LINGO1: variants seen among roughly 807,000 people sequenced by gnomAD.
LINGO1 encodes leucine-rich repeat and immunoglobulin-like domain-containing nogo receptor-interacting protein 1.
A neutral mutation model predicts 37.3 loss-of-function variants in LINGO1; 11 were observed. The ratio of observed to expected loss-of-function variants is 0.29; its 90% CI spans 0.19 to 0.49. The LOEUF (loss-of-function observed/expected upper bound fraction) is 0.49. Ranked by LOEUF, LINGO1 falls within the 20% of genes least tolerant of loss-of-function variation. The probability of loss-of-function intolerance (pLI) is 0.99; values close to 1 mark genes in which losing one functional copy is unlikely to be tolerated. For missense variants in LINGO1, 585 were observed against 878.2 expected (o/e 0.67, Z 4.22); for synonymous variants, 387 against 403.0 (o/e 0.96, Z 0.48).
chr15:77,614,265 C>T lies in LINGO1; in HGVS notation c.1642G>A (p.Val548Met). 1 of 1,614,042 alleles carries T rather than the reference C, an allele frequency of 6.2e-7. No homozygotes were observed. Among genetic ancestry groups the T allele is most frequent in the Non-Finnish European group, 8.5e-7 (1 of 1,179,898 alleles). The change falls in exon 2 of 2, where the codon GTG becomes ATG. Residue 548 changes from valine (V) to methionine (M), a missense_variant. Physicochemically the swap from Val to Met is conservative, Grantham distance 21. This residue lies in a region of LINGO1 where 484 missense variants were observed against 735.0 expected (regional missense o/e 0.66). Transcript: ENST00000355300. Reference sequence around the variant, plus strand: ...GTCTTGATGTCGAAGGGGAAAGGCACAGTGGCGCGGGTGCTGTTGGCCTCT... The same window carrying T: ...GTCTTGATGTCGAAGGGGAAAGGCATAGTGGCGCGGGTGCTGTTGGCCTCT... ...EGEANSTRAT[V>M]PFPFDIKTLI...
intron 1 of LINGO1, among the ~76,000 whole-genome samples, chr15:77,754,175 G>C (rs2076397622): frequency 6.6e-6 from 1 of 151,308 alleles, no homozygotes; most frequent in Non-Finnish European, 1.5e-5. Context: ...AGAAGGGAGA[G>C]GGAGGGAGCA....
In LINGO1 at chr15:77,613,835, G is replaced by C. The variant is rs985153839; in HGVS notation, c.*209C>G. On this transcript the variant is annotated 3_prime_UTR_variant, in exon 2 of 2. Coordinates refer to ENST00000355300, the MANE Select transcript of LINGO1 (RefSeq NM_032808.7). ...CTGTCAATGCCCCTGTGTAGGTGGG[G>C]TCCCCAGGTCTGGGCTTCTGAGGTC... is the stretch of plus-strand genomic sequence containing the variant. The C allele has an allele frequency of 6.6e-5, 39 of 590,078 alleles. No individual in the cohort carries two copies. The highest frequency in any genetic ancestry group is 4.4e-4 in the Middle Eastern group (1 of 2,248). The allele number at this position is 590,078 out of a possible 1,614,324, so 36.6% of individuals were successfully genotyped here. A position where few individuals can be genotyped will look rare whatever the true frequency, so the allele number is the denominator to read the frequency against.
chr15:77,653,537 C>T (rs2074806265), intron 3 of LINGO1, among the ~76,000 whole-genome samples: 1 of 152,202 alleles, frequency 6.6e-6, no homozygotes, highest in African/African-American at 2.4e-5. Context: ...TCTTATGAAG[C>T]CCTTAATAAA....
chr15:77,743,603 T>G (rs1208889178), intron 1 of LINGO1, among the ~76,000 whole-genome samples: 1 of 152,144 alleles, frequency 6.6e-6, no homozygotes. Context: ...CTCTCTTCTT[T>G]AAGAACCTTT....
chr15:77,767,500 A>G (rs754799644), intron 1 of LINGO1, among the ~76,000 whole-genome samples: 2 of 152,214 alleles, frequency 1.3e-5, no homozygotes, highest in Non-Finnish European at 2.9e-5. Context: ...CGTGGGGTCC[A>G]GGGAGCAAGA....
chr15:77,616,541 C>A (rs1023971998), intron 1 of LINGO1, among the ~76,000 whole-genome samples: 1 of 152,216 alleles, frequency 6.6e-6, no homozygotes, highest in South Asian at 2.1e-4. Context: ...ACACTGTTCA[C>A]GGGTCTGTCA....
intron 1 of LINGO1, among the ~76,000 whole-genome samples, chr15:77,766,651 C>T (rs774294310): frequency 2.4e-4 from 36 of 152,102 alleles, no homozygotes; most frequent in Non-Finnish European, 2.9e-4. Flanking sequence ...CTGGCATTTC[C>T]CCTGCTTGCA....
At chr15:77,750,770 T>G (rs2076363177) in intron 1 of LINGO1, among the ~76,000 whole-genome samples, 1 of 152,256 alleles carries the variant, frequency 6.6e-6, no homozygotes, top group Non-Finnish European at 1.5e-5. Context: ...TTCATATACA[T>G]GGTCTCATTT....
At chr15:77,741,303 T>C (rs1162661375) in intron 1 of LINGO1, among the ~76,000 whole-genome samples, 1 of 152,142 alleles carries the variant, frequency 6.6e-6, no homozygotes, top group African/African-American at 2.4e-5. Context: ...GCCTGAGCCT[T>C]TAGGGAACCA....
intron 2 of LINGO1, among the ~76,000 whole-genome samples, chr15:77,792,639 T>C (rs1567587002): frequency 6.6e-6 from 1 of 152,200 alleles, no homozygotes. Flanking sequence ...CCTGCCCCCT[T>C]TTCCAACCTT....
chr15:77,616,801 C>T (rs1445743125), intron 1 of LINGO1, among the ~76,000 whole-genome samples: 1 of 152,230 alleles, frequency 6.6e-6, no homozygotes, highest in Non-Finnish European at 1.5e-5. Context: ...AATGCCCCTT[C>T]CCTGGCTGTT....
chr15:77,619,625 T>C (rs2073854478), intron 1 of LINGO1, among the ~76,000 whole-genome samples: 1 of 151,904 alleles, frequency 6.6e-6, no homozygotes, highest in African/African-American at 2.4e-5. Context: ...AGTTTGAGGC[T>C]ACAGTGAACT....
chr15:77,698,488 A>T (rs1404925944), upstream of LINGO1, among the ~76,000 whole-genome samples: 1 of 152,200 alleles, frequency 6.6e-6, no homozygotes, highest in Non-Finnish European at 1.5e-5. Flanking sequence ...GGGAACCCCG[A>T]TGCCCCGTGT....
intron 1 of LINGO1, among the ~76,000 whole-genome samples, chr15:77,745,747 G>A (rs2076307926): frequency 6.6e-6 from 1 of 152,114 alleles, no homozygotes; most frequent in African/African-American, 2.4e-5. Flanking sequence ...TCATAGAAGG[G>A]GAAACCAAGG....
chr15:77,793,349 G>C (rs781449638), intron 2 of LINGO1, among the ~76,000 whole-genome samples: 1 of 152,194 alleles, frequency 6.6e-6, no homozygotes, highest in Non-Finnish European at 1.5e-5. Flanking sequence ...CACCGAGGGA[G>C]GGAGCAACAG....
intron 1 of LINGO1, among the ~76,000 whole-genome samples, chr15:77,620,100 C>T (rs1308726231): frequency 6.6e-6 from 1 of 152,252 alleles, no homozygotes; most frequent in Non-Finnish European, 1.5e-5. Flanking sequence ...GGCAATGTGC[C>T]GCTCCTGCCA....
At chr15:77,793,031 C>T (rs1472427611) in intron 2 of LINGO1, among the ~76,000 whole-genome samples, 1 of 152,190 alleles carries the variant, frequency 6.6e-6, no homozygotes, top group African/African-American at 2.4e-5. Context: ...GACAAACCAC[C>T]TCCAGCCTCC....
intron 2 of LINGO1, among the ~76,000 whole-genome samples, chr15:77,690,497 C>A (rs1429838453): frequency 6.6e-6 from 1 of 152,190 alleles, no homozygotes; most frequent in Non-Finnish European, 1.5e-5. Context: ...CTGGATCAAG[C>A]CCTGCCTGAA....
chr15:77,702,997 T>C (rs2075804070), intron 2 of LINGO1, among the ~76,000 whole-genome samples: 1 of 152,226 alleles, frequency 6.6e-6, no homozygotes, highest in Non-Finnish European at 1.5e-5. Context: ...GAGAACCCAC[T>C]GGCTTTGGAC....
Sources: allele counts gnomAD v4.1 joint callset (sites outside exome capture counted in the v4.1 genomes callset), GRCh38; gene constraint gnomAD v4.1.1; regional missense constraint gnomAD v4.1.1; transcripts MANE v1.5; gene names NCBI Gene and HGNC (gene_info 2026-07-23, HGNC 2026-07-21).